Variants in NKAIN2 observed in about 807,000 individuals in gnomAD.
NKAIN2 encodes the protein sodium/potassium transporting ATPase interacting 2, also known as sodium/potassium-transporting ATPase subunit beta-1-interacting protein 2.
NKAIN2 carries 14 observed loss-of-function variants against 32.6 expected under a neutral mutation model. That is an observed-to-expected ratio of 0.43 (90% confidence interval 0.28 to 0.67). The LOEUF (loss-of-function observed/expected upper bound fraction) is 0.67, where lower values mean the gene tolerates loss of function less well. Among genes scored for constraint, NKAIN2 ranks in the 30% least tolerant of loss-of-function variants. The pLI, the probability that NKAIN2 is intolerant of heterozygous loss-of-function variation, is 0.17. For synonymous variants in NKAIN2, 80 were observed against 87.2 expected, an observed-to-expected ratio of 0.92 and a Z score of 0.46; for missense variants, 198 against 258.3, an observed-to-expected ratio of 0.77 and a Z score of 1.60.
chr6:124,412,973 C>A (rs1774280446), intron 3 of NKAIN2, among the ~76,000 whole-genome samples: 1 of 152,194 alleles, frequency 6.6e-6, no homozygotes, highest in Non-Finnish European at 1.5e-5. Context: ...CCCTCCGAGC[C>A]AGGTGCAGGA....
Position 124,159,912 on chromosome 6 carries a change from G to A in NKAIN2, c.55-123093G>A, listed in dbSNP as rs544797371. Among the ~76,000 whole-genome samples, 4 of 152,272 alleles carry A rather than the reference G, an allele frequency of 2.6e-5. No homozygotes were observed. In the South Asian group the frequency reaches 6.2e-4, roughly 24 times the overall value. ...CTAAATGAAGGCCTTGGTGATGGGA[G>A]AAAAATATTCGATGTTCTACAGCCA... On this transcript the variant is annotated intron_variant, in intron 1 of 6. Transcript: ENST00000368417.
At chr6:124,754,299 T>C (rs539301022) in intron 4 of NKAIN2, among the ~76,000 whole-genome samples, 1 of 152,248 alleles carries the variant, frequency 6.6e-6, no homozygotes, top group Admixed American at 6.5e-5. Flanking sequence ...AACTAATTGG[T>C]ACACTGAATT....
intron 1 of NKAIN2, among the ~76,000 whole-genome samples, chr6:124,150,657 G>T (rs143532080): frequency 6.6e-6 from 1 of 151,976 alleles, no homozygotes; most frequent in African/African-American, 2.4e-5. Context: ...AATCTTTTCT[G>T]CATTTATTTT....
At chr6:123,882,185 C>G (rs1773486473) in intron 1 of NKAIN2, among the ~76,000 whole-genome samples, 1 of 151,712 alleles carries the variant, frequency 6.6e-6, no homozygotes, top group East Asian at 1.9e-4. Flanking sequence ...TAAAATATAT[C>G]AAATATATAT....
rs146989794 is a variant in NKAIN2 at position 124,357,274 on chromosome 6, C to T, written c.273+1927C>T. Among the ~76,000 whole-genome samples, 679 of 152,124 alleles carry T rather than the reference C, an allele frequency of 4.5e-3. 6 individuals are homozygous for T. Among genetic ancestry groups the T allele is most frequent in the Middle Eastern group, 6.8e-3 (2 of 292 alleles). ...ATAAAGGGCAAAGTTATATAGTTAT[C>T]GTTATATAGTTATCTGTACTGGGTT... On this transcript the variant is annotated intron_variant, in intron 3 of 6. Coordinates refer to ENST00000368417, the MANE Select transcript of NKAIN2 (RefSeq NM_001040214.3).
intron 4 of NKAIN2, among the ~76,000 whole-genome samples, chr6:124,742,183 T>C (rs1562358092): frequency 6.6e-6 from 1 of 151,884 alleles, no homozygotes; most frequent in Non-Finnish European, 1.5e-5. Context: ...GGTTACAGGG[T>C]ACCCAGATAG....
At chr6:123,988,854 G>A (rs1308404426) in intron 1 of NKAIN2, among the ~76,000 whole-genome samples, 2 of 149,956 alleles carry the variant, frequency 1.3e-5, no homozygotes, top group South Asian at 2.2e-4. Context: ...ATTAGTTGCT[G>A]TAGATATTTG....
chr6:124,234,904 A>G (rs1283391004), intron 1 of NKAIN2, among the ~76,000 whole-genome samples: 2 of 152,310 alleles, frequency 1.3e-5, no homozygotes, highest in East Asian at 3.9e-4. Context: ...AAGTTTCATT[A>G]ACTTCAAGAA....
At chr6:124,306,245 A>C (rs1267190513) in intron 2 of NKAIN2, among the ~76,000 whole-genome samples, 1 of 152,174 alleles carries the variant, frequency 6.6e-6, no homozygotes, top group Non-Finnish European at 1.5e-5. Flanking sequence ...TGTCTGCTCC[A>C]TGGTGATTTC....
rs955287747 is a variant in NKAIN2, at chr6:124,634,954, A to C, written c.274-23232A>C. ...AGAATAGTATGAGGTAATATATTCA[A>C]AGTGCTGAAAGAGAAAGAAAGAAAG... On this transcript the variant is annotated intron_variant, in intron 3 of 6. Coordinates refer to ENST00000368417, the MANE Select transcript of NKAIN2 (RefSeq NM_001040214.3). Among the ~76,000 whole-genome samples, 14 of 151,860 alleles carry C rather than the reference A, an allele frequency of 9.2e-5. No individual in the cohort carries two copies. The South Asian group carries it at 2.9e-3, about 32-fold the overall frequency.
intron 1 of NKAIN2, among the ~76,000 whole-genome samples, chr6:123,995,903 A>C (rs1184748252): frequency 6.6e-6 from 1 of 152,174 alleles, no homozygotes; most frequent in Non-Finnish European, 1.5e-5. Flanking sequence ...TATTTTAACA[A>C]AGCATTAATA....
intron 3 of NKAIN2, among the ~76,000 whole-genome samples, chr6:124,380,255 T>C (rs1772571696): frequency 6.6e-6 from 1 of 152,188 alleles, no homozygotes; most frequent in African/African-American, 2.4e-5. Flanking sequence ...GAAGTAACTA[T>C]GCTATTGTCA....
intron 4 of NKAIN2, among the ~76,000 whole-genome samples, chr6:124,758,922 G>C (rs1778087557): frequency 2.0e-5 from 3 of 152,034 alleles, no homozygotes; most frequent in Non-Finnish European, 4.4e-5. Context: ...CCTCTCAAGG[G>C]CAGTGTTTCC....
chr6:124,214,836 A>C (rs1041701344), intron 1 of NKAIN2, among the ~76,000 whole-genome samples: 2 of 152,240 alleles, frequency 1.3e-5, no homozygotes, highest in East Asian at 3.8e-4. Context: ...CCATCTGAGC[A>C]ATCAGACATT....
At chr6:124,701,906 A>C (rs891488015) in intron 4 of NKAIN2, among the ~76,000 whole-genome samples, 7 of 152,208 alleles carry the variant, frequency 4.6e-5, no homozygotes, top group African/African-American at 1.4e-4. Context: ...TTTGAGAGTA[A>C]GATTAGTCCT....
At chr6:124,301,184 C>T (rs1037290293) in intron 2 of NKAIN2, among the ~76,000 whole-genome samples, 3 of 152,280 alleles carry the variant, frequency 2.0e-5, no homozygotes, top group Admixed American at 2.0e-4. Context: ...TAAAAGGGGC[C>T]AAGGTACAGC....
rs958363637 is a variant in NKAIN2 at position 123,841,399 on chromosome 6, A to G, written c.54+37145A>G. Among the ~76,000 whole-genome samples, 5 of 152,242 alleles carry G rather than the reference A, an allele frequency of 3.3e-5. No homozygotes were observed. In the East Asian group the frequency reaches 5.8e-4, roughly 18 times the overall value. On this transcript the variant is annotated intron_variant, in intron 1 of 6. Coordinates refer to ENST00000368417, the MANE Select transcript of NKAIN2 (RefSeq NM_001040214.3). ...TATAGTATATGTGTTTTCAAGGCAT[A>G]GTAATTAAATATGGAGACATAAGGC...
At chr6:124,368,763 CT>C (rs1799626821) in intron 3 of NKAIN2, among the ~76,000 whole-genome samples, 1 of 152,136 alleles carries the variant, frequency 6.6e-6, no homozygotes, top group African/African-American at 2.4e-5. Context: ...ACTCTGTTCT[CT>C]CTGGAAATGG....
intron 3 of NKAIN2, among the ~76,000 whole-genome samples, chr6:124,507,099 G>T (rs1265431050): frequency 6.6e-6 from 1 of 152,174 alleles, no homozygotes; most frequent in Non-Finnish European, 1.5e-5. Context: ...AAAGAAGAAA[G>T]GATAAGCATT....
Sources: gnomAD v4.1 joint callset for allele counts (sites outside exome capture counted in the v4.1 genomes callset) on GRCh38, gnomAD v4.1.1 for gene constraint, MANE v1.5 for transcripts, NCBI Gene and HGNC (gene_info 2026-07-23, HGNC 2026-07-21) for gene names.